The following MET variants were observed in gnomAD, a reference collection of about 807,000 sequenced individuals.
The protein encoded by MET is MET proto-oncogene, receptor tyrosine kinase, also known as hepatocyte growth factor receptor.
In MET, 48 loss-of-function variants were observed where a neutral mutation model predicts 133.1. That is an observed-to-expected ratio of 0.36 (90% CI 0.29 to 0.46). The LOEUF (loss-of-function observed/expected upper bound fraction) is 0.46, where lower values mean the gene tolerates loss of function less well. MET is among the 20% of genes least tolerant of loss of function. The pLI is 1.00. For missense variants in MET, 1,442 were observed against 1,695.9 expected (o/e 0.85, Z 2.63); for synonymous variants, 628 against 616.5 (o/e 1.02, Z -0.28).
intron 2 of MET, among the ~76,000 whole-genome samples, chr7:116,709,191 C>T (rs889734250): frequency 6.6e-6 from 1 of 152,174 alleles, no homozygotes; most frequent in African/African-American, 2.4e-5. Context: ...TCTTTACCTA[C>T]AGACACATGT....
At chr7:116,674,253 G>C (rs749259118) in intron 1 of MET, among the ~76,000 whole-genome samples, 3 of 152,106 alleles carry the variant, frequency 2.0e-5, no homozygotes, top group Non-Finnish European at 4.4e-5. Flanking sequence ...GATAAAAAAT[G>C]TACCAGATTA....
At chr7:116,746,816 A>G (rs1393396497) in intron 5 of MET, among the ~76,000 whole-genome samples, 1 of 152,180 alleles carries the variant, frequency 6.6e-6, no homozygotes, top group South Asian at 2.1e-4. Flanking sequence ...GCATTAGGAG[A>G]TATACCTAAG....
At chr7:116,761,405 G>A (rs536296897) in intron 10 of MET, among the ~76,000 whole-genome samples, 2 of 152,140 alleles carry the variant, frequency 1.3e-5, no homozygotes, top group African/African-American at 4.8e-5. Context: ...AAGGAGATAT[G>A]TATTCATTCC....
chr7:116,748,612 A>G (rs1307824723), intron 5 of MET, among the ~76,000 whole-genome samples: 1 of 152,190 alleles, frequency 6.6e-6, no homozygotes, highest in Non-Finnish European at 1.5e-5. Flanking sequence ...GAAGACAAGA[A>G]ATAACTAAGA....
intron 1 of MET, among the ~76,000 whole-genome samples, chr7:116,677,381 C>T (rs937383806): frequency 6.6e-6 from 1 of 152,178 alleles, no homozygotes; most frequent in Admixed American, 6.5e-5. Context: ...AAACAGGTAA[C>T]TTAAATGAGG....
chr7:116,686,475 C>T (rs899662107), intron 1 of MET, among the ~76,000 whole-genome samples: 3 of 152,192 alleles, frequency 2.0e-5, no homozygotes, highest in African/African-American at 7.2e-5. Context: ...CACACATCAA[C>T]TTCTGAAACA....
chr7:116,673,195 A>T (rs1796034735), intron 1 of MET, among the ~76,000 whole-genome samples: 1 of 152,220 alleles, frequency 6.6e-6, no homozygotes, highest in Admixed American at 6.5e-5. Context: ...TAATTAAAGC[A>T]CCAGTGAAAG....
At chr7:116,772,364 T>C (rs1011946106) in intron 14 of MET, among the ~76,000 whole-genome samples, 1 of 152,220 alleles carries the variant, frequency 6.6e-6, no homozygotes, top group African/African-American at 2.4e-5. Flanking sequence ...TTTTACCTGT[T>C]GAAGCCCAAA....
chr7:116,734,795 T>C (rs1056558517), intron 3 of MET, among the ~76,000 whole-genome samples: 2 of 152,122 alleles, frequency 1.3e-5, no homozygotes, highest in African/African-American at 4.8e-5. Flanking sequence ...GAGTCAGACT[T>C]GGGAACATTA....
At chr7:116,738,981 C>T (rs77616768) in intron 3 of MET, among the ~76,000 whole-genome samples, 45 of 152,268 alleles carry the variant, frequency 3.0e-4, no homozygotes, top group African/African-American at 1.0e-3. Flanking sequence ...ATGTAAAAGG[C>T]TATTAGAGAT....
intron 17 of MET, among the ~76,000 whole-genome samples, chr7:116,781,660 T>C (rs1584963832): frequency 6.6e-6 from 1 of 152,180 alleles, no homozygotes; most frequent in African/African-American, 2.4e-5. Context: ...ATCCAACTCC[T>C]GGGCTCAAGC....
intron 2 of MET, among the ~76,000 whole-genome samples, chr7:116,731,259 A>G (rs1160439856): frequency 1.3e-5 from 2 of 152,230 alleles, no homozygotes; most frequent in East Asian, 1.9e-4. Flanking sequence ...AAAGGCACAC[A>G]TTTAAAAATA....
chr7:116,694,830 GCA>G (rs1160391862), intron 1 of MET, among the ~76,000 whole-genome samples: 181 of 152,210 alleles, frequency 1.2e-3, no homozygotes, highest in Non-Finnish European at 2.0e-3. Flanking sequence ...GGGATTACAG[GCA>G]TGCGCCACCA....
At chr7:116,743,473 A>G (rs1462827498) in intron 5 of MET, among the ~76,000 whole-genome samples, 1 of 152,212 alleles carries the variant, frequency 6.6e-6, no homozygotes, top group East Asian at 1.9e-4. Flanking sequence ...GCTAAGATGC[A>G]CTGGCTTCAA....
Position 116,758,172 on chromosome 7 carries a change from T to C in MET, c.2103-287T>C, listed in dbSNP as rs1437378529. ...GAAAATTGGGTCTGGAAGACAGTTA[T>C]GTTTCTGCTTCTTAGAGTTGGAAGA... On this transcript the variant is annotated intron_variant, in intron 8 of 20. Transcript: ENST00000397752. Among the ~76,000 whole-genome samples the C allele has an allele frequency of 2.6e-5, 4 of 152,186 alleles. 1 individual carries two copies. Among genetic ancestry groups the C allele is most frequent in the African/African-American group, 9.7e-5 (4 of 41,444 alleles).
rs587777951 is a variant in MET at position 116,741,099 on chromosome 7, G to GT, written c.1701+80dup. The stretch of plus-strand genomic sequence containing the variant: ...TTTTTTTTTTGGTTTGGTTTGGTTT[G>GT]TTTTTTGTTTTTTTAGATACAAATC... On this transcript the variant is annotated intron_variant, in intron 5 of 20. Transcript: ENST00000397752. The GT allele has an allele frequency of 1.3e-6, 2 of 1,506,026 alleles. No homozygotes were observed. Among genetic ancestry groups the GT allele is most frequent in the East Asian group, 4.6e-5 (2 of 43,032 alleles). The allele number at this position is 1,506,026 out of a possible 1,614,324, so 93.3% of individuals were successfully genotyped here.
intron 1 of MET, 146 bp downstream of exon 1, chr7:116,672,723 G>A (rs1368074439): frequency 2.7e-6 from 1 of 370,672 alleles, no homozygotes; most frequent in Non-Finnish European, 4.8e-6. Flanking sequence ...GGAAACTGAA[G>A]AGACGTGGCC....
intron 2 of MET, among the ~76,000 whole-genome samples, chr7:116,700,914 A>G (rs1791553094): frequency 6.6e-6 from 1 of 152,228 alleles, no homozygotes; most frequent in Admixed American, 6.5e-5. Flanking sequence ...TTTGTTCCCA[A>G]GTCCTTCCTT....
At chr7:116,735,533 G>A (rs1793179071) in intron 3 of MET, among the ~76,000 whole-genome samples, 1 of 152,166 alleles carries the variant, frequency 6.6e-6, no homozygotes, top group African/African-American at 2.4e-5. Context: ...TGAGAAGCCT[G>A]TAGTATGCAT....
Sources: gnomAD v4.1 joint callset for allele counts (sites outside exome capture counted in the v4.1 genomes callset) on GRCh38, gnomAD v4.1.1 for gene constraint, MANE v1.5 for transcripts, NCBI Gene and HGNC (gene_info 2026-07-23, HGNC 2026-07-21) for gene names.